Variants in TSEN34 observed in about 807,000 individuals in gnomAD.
TSEN34 encodes the protein tRNA splicing endonuclease subunit 34, also known as tRNA-splicing endonuclease subunit Sen34.
Under a neutral mutation model 30.2 loss-of-function variants are expected in TSEN34, and 25 were observed. The ratio of observed to expected loss-of-function variants is 0.83; its 90% confidence interval spans 0.60 to 1.16. The LOEUF (loss-of-function observed/expected upper bound fraction) is 1.16. Ranked by LOEUF, TSEN34 falls within the 50% of genes most tolerant of loss-of-function variation. The pLI is 0.00. For missense variants in TSEN34, 475 were observed against 411.9 expected (o/e 1.15, Z -1.33); for synonymous variants, 209 against 177.4 (o/e 1.18, Z -1.41).
At chr19:54,191,213 A>T (rs1199535002), upstream of TSEN34, 7 of 1,408,542 alleles carry the variant, frequency 5.0e-6, no homozygotes, top group South Asian at 1.5e-5. Flanking sequence ...GCTCGGGCCC[A>T]GCAGGTGGTG....
upstream of TSEN34, chr19:54,190,301 G>A: frequency 7.0e-7 from 1 of 1,435,398 alleles, no homozygotes; most frequent in Non-Finnish European, 9.5e-7. Flanking sequence ...GCATGAGGGG[G>A]TGGAGCAAGG....
In TSEN34 at chr19:54,191,866, C is replaced by G. The variant is rs1410559570; in HGVS notation, c.389C>G (p.Ala130Gly). 6.2e-7 allele frequency: 1 copy of G among 1,614,124 alleles called. No homozygotes were observed. The highest frequency in any genetic ancestry group is 1.1e-5 in the South Asian group (1 of 91,078). The change falls in exon 2 of 4, where the codon GCT becomes GGT. Residue 130 changes from alanine (A) to glycine (G), a missense_variant. By Grantham distance (60) the Ala-to-Gly change is moderately conservative (BLOSUM62 0). Coordinates refer to ENST00000396388, the MANE Select transcript of TSEN34 (RefSeq NM_001077446.4). ...GCTAAGAAGCAGAAACTAGAACAGG[C>G]TTCAGGGGCCAGCTCAAGCCAGGAG... ...QAAKKQKLEQASGASSSQEAG... is the reference protein window; with the variant it reads ...QAAKKQKLEQGSGASSSQEAG...
At chr19:54,190,525 G>C, upstream of TSEN34, 1 of 1,318,334 alleles carries the variant, frequency 7.6e-7, no homozygotes, top group Non-Finnish European at 9.8e-7. Flanking sequence ...TTCGGTCGTA[G>C]GGCGGGAACT....
intron 3 of TSEN34, among the ~76,000 whole-genome samples, 171 bp from the exon 4 acceptor site, chr19:54,193,004 T>TAAAA (rs2076762953): frequency 5.0e-5 from 2 of 39,704 alleles, no homozygotes; most frequent in Admixed American, 2.9e-4. Context: ...AGACTTTGTC[T>TAAAA]CAAAAAAAAA....
At chr19:54,190,224 G>C (rs1364783722), upstream of TSEN34, 5 of 768,466 alleles carry the variant, frequency 6.5e-6, no homozygotes, top group South Asian at 1.6e-5. Context: ...CTTCGGTCCT[G>C]CGAGGGGCGG....
chr19:54,190,741 C>T, upstream of TSEN34: 2 of 1,191,576 alleles, frequency 1.7e-6, no homozygotes, highest in African/African-American at 1.6e-5. Flanking sequence ...CGAGGACGCC[C>T]GAACGCCGAA....
chr19:54,190,265 G>C, upstream of TSEN34: 1 of 1,156,850 alleles, frequency 8.6e-7, no homozygotes, highest in Non-Finnish European at 1.3e-6. Flanking sequence ...TGATGGGGCG[G>C]GATGACGAAG....
At chr19:54,190,726 G>T, upstream of TSEN34, 2 of 1,211,858 alleles carry the variant, frequency 1.7e-6, no homozygotes, top group Admixed American at 4.2e-5. Flanking sequence ...CGGATTCGGT[G>T]GAGCCGAGGA....
At position 54,193,684 on chromosome 19, in the gene TSEN34, C is replaced by T. The variant is rs1253970077; in HGVS notation, c.*322C>T. ...TAAATGTTCATGATTTGAATGTTTG[C>T]GACAGTCCTGGAACCCGTGGATGGT... On this transcript the variant is annotated 3_prime_UTR_variant, in exon 4 of 4. Transcript: ENST00000396388. The T allele has an allele frequency of 1.2e-5, 10 of 856,286 alleles. No homozygotes were observed. The highest frequency in any genetic ancestry group is 1.7e-5 in the Non-Finnish European group (9 of 525,920). The allele number at this position is 856,286 out of a possible 1,614,324, so 53.0% of individuals were successfully genotyped here.
At chr19:54,191,081 G>T, upstream of TSEN34, 4 of 1,303,922 alleles carry the variant, frequency 3.1e-6, no homozygotes, top group South Asian at 2.0e-5. Flanking sequence ...CGACCGCAGG[G>T]TCACAAGGGT....
upstream of TSEN34, chr19:54,190,159 G>A (rs2076609515): frequency 1.7e-6 from 1 of 573,774 alleles, no homozygotes. Context: ...AGCGGCAGAG[G>A]GAGGTGCGCT....
Position 54,193,221 on chromosome 19 carries a change from C to G in TSEN34, c.792C>G (p.Ala264=). The G allele has an allele frequency of 7.4e-6, 12 of 1,613,994 alleles. No individual in the cohort carries two copies. Among genetic ancestry groups the G allele is most frequent in the Middle Eastern group, 1.7e-4 (1 of 6,022 alleles). Residue 264 remains alanine, a synonymous_variant, in exon 4 of 4, where the codon GCC becomes GCG. Transcript: ENST00000396388. ...FHAHYIAQCW[A]PEDTIPLQDL... is the part of the protein sequence containing the mutation. ...CCCATTATATCGCTCAGTGCTGGGC[C>G]CCTGAGGACACCATCCCACTCCAAG...
intron 3 of TSEN34, 114 bp downstream of exon 3, chr19:54,192,487 T>G (rs903960943): frequency 1.5e-5 from 22 of 1,421,002 alleles, no homozygotes; most frequent in Non-Finnish European, 2.1e-5. Context: ...TCTTGTTGCT[T>G]AGGCTGGTCC....
At position 54,193,413 on chromosome 19, in the gene TSEN34, G is replaced by C; in HGVS notation, c.*51G>C. 3 of 1,611,130 alleles carry C rather than the reference G, an allele frequency of 1.9e-6. No individual in the cohort carries two copies. Among genetic ancestry groups the C allele is most frequent in the Non-Finnish European group, 2.5e-6 (3 of 1,178,752 alleles). ...TGTGTCGGCAGCAAGAGCCTTTCTG[G>C]ATGTTCCCCAGCTCTTCTCTGGGAG... is the stretch of plus-strand genomic sequence containing the variant. On this transcript the variant is annotated 3_prime_UTR_variant, in exon 4 of 4. Transcript: ENST00000396388.
upstream of TSEN34, chr19:54,190,600 C>T (rs2076633223): frequency 1.6e-6 from 2 of 1,239,722 alleles, no homozygotes; most frequent in South Asian, 3.0e-5. Flanking sequence ...TGCCGGGAGC[C>T]GATGACGCCC....
At chr19:54,191,662 G>A in intron 1 of TSEN34, 55 bp downstream of exon 1, 1 of 1,611,052 alleles carries the variant, frequency 6.2e-7, no homozygotes, top group Non-Finnish European at 8.5e-7. Flanking sequence ...TGGGAGTCAA[G>A]TTTCCTGGCT....
upstream of TSEN34, chr19:54,190,272 G>T: frequency 8.2e-7 from 1 of 1,224,696 alleles, no homozygotes. Context: ...GCGGGATGAC[G>T]AAGTTGACGA....
Position 54,191,319 on chromosome 19 carries a change from C to G in TSEN34, c.-46C>G, listed in dbSNP as rs759927884. On this transcript the variant is annotated 5_prime_UTR_variant, in exon 1 of 4. Transcript: ENST00000396388. The stretch of plus-strand genomic sequence containing the variant: ...GGGTGCGCTGCAGCGGTCCGCGGCG[C>G]GCAGCTGTTTCGGTAACTGCTTTGC... The G allele has an allele frequency of 6.5e-7, 1 of 1,547,454 alleles. No homozygotes were observed. Among genetic ancestry groups the G allele is most frequent in the African/African-American group, 1.4e-5 (1 of 72,792 alleles).
In TSEN34 at chr19:54,193,899, C is replaced by T. The variant is rs1341132700; in HGVS notation, c.*537C>T. 24 of 571,936 alleles carry T rather than the reference C, an allele frequency of 4.2e-5. No individual in the cohort carries two copies. The highest frequency in any genetic ancestry group is 3.4e-4 in the South Asian group (15 of 44,272). The allele number at this position is 571,936 out of a possible 1,614,324, so 35.4% of individuals were successfully genotyped here. ...ATGAAATTTCCCAGATGCATACAAA[C>T]GTTATAAATAAAAATATAGGCTGGG... On this transcript the variant is annotated 3_prime_UTR_variant, in exon 4 of 4. Coordinates refer to ENST00000396388, the MANE Select transcript of TSEN34 (RefSeq NM_001077446.4).
Sources: allele counts gnomAD v4.1 joint callset (sites outside exome capture counted in the v4.1 genomes callset), GRCh38; gene constraint gnomAD v4.1.1; transcripts MANE v1.5; gene names NCBI Gene and HGNC (gene_info 2026-07-23, HGNC 2026-07-21).